LCP1: variants seen among roughly 807,000 people sequenced by gnomAD.
The protein encoded by LCP1 is lymphocyte cytosolic protein 1, also known as plastin-2.
In LCP1, 23 loss-of-function variants were observed where a neutral mutation model predicts 72.0. The ratio of observed to expected loss-of-function variants is 0.32; its 90% CI spans 0.23 to 0.45. LCP1 has a LOEUF of 0.45. LCP1 is among the 20% of genes least tolerant of loss of function. LCP1 has a pLI of 1.00. For missense variants in LCP1, 571 were observed against 748.3 expected, an observed-to-expected ratio of 0.76 and a Z score of 2.76; for synonymous variants, 245 against 275.4, an observed-to-expected ratio of 0.89 and a Z score of 1.09.
chr13:46,142,667 T>G (rs1041363965), intron 12 of LCP1: 1 of 572,196 alleles, frequency 1.7e-6, no homozygotes, highest in African/African-American at 1.9e-5. Flanking sequence ...TTCATTACTA[T>G]GAATATGTTC....
chr13:46,176,580 G>T (rs1202910178), intron 1 of LCP1, among the ~76,000 whole-genome samples: 1 of 152,116 alleles, frequency 6.6e-6, no homozygotes, highest in East Asian at 1.9e-4. Context: ...TGGATACATA[G>T]CTTGGATAAA....
At chr13:46,178,337 G>A (rs976848253) in intron 1 of LCP1, among the ~76,000 whole-genome samples, 1 of 152,150 alleles carries the variant, frequency 6.6e-6, no homozygotes, top group Non-Finnish European at 1.5e-5. Context: ...GCAGACTGAT[G>A]TAAGCATTGA....
At chr13:46,130,400 T>C (rs1394136368) in intron 15 of LCP1, among the ~76,000 whole-genome samples, 1 of 152,216 alleles carries the variant, frequency 6.6e-6, no homozygotes, top group Non-Finnish European at 1.5e-5. Context: ...GAGGAATCAT[T>C]TGGCAGGTGA....
In LCP1 at chr13:46,126,934, A is replaced by G. The variant is rs542732778; in HGVS notation, c.*657T>C. ...CATTTGGGACTCCAGTTTTGAGGAA[A>G]GGCTCTGATGATGAGGCTTACTTCT... On this transcript the variant is annotated 3_prime_UTR_variant, in exon 16 of 16. Transcript: ENST00000323076. 6.9e-5 allele frequency: 16 copies of G among 230,894 alleles called. No homozygotes were observed. In the South Asian group the frequency reaches 2.7e-3, roughly 39 times the overall value. The allele number at this position is 230,894 out of a possible 1,614,324, so 14.3% of individuals were successfully genotyped here.
At chr13:46,162,951 C>A (rs1157356235) in intron 1 of LCP1, among the ~76,000 whole-genome samples, 1 of 152,022 alleles carries the variant, frequency 6.6e-6, no homozygotes, top group Non-Finnish European at 1.5e-5. Context: ...CGCCTGGCAG[C>A]CACCCCGTCT....
intron 1 of LCP1, among the ~76,000 whole-genome samples, chr13:46,171,905 C>T (rs1329759502): frequency 6.6e-6 from 1 of 152,242 alleles, no homozygotes; most frequent in African/African-American, 2.4e-5. Flanking sequence ...ATGGAAAATA[C>T]AAGTATTCGC....
chr13:46,163,856 C>T (rs910570318), intron 1 of LCP1, among the ~76,000 whole-genome samples: 23 of 152,186 alleles, frequency 1.5e-4, no homozygotes, highest in African/African-American at 5.6e-4. Flanking sequence ...GCTTAGGTCT[C>T]TTCTATACCC....
At chr13:46,169,951 A>G (rs1003281667) in intron 1 of LCP1, among the ~76,000 whole-genome samples, 2 of 152,158 alleles carry the variant, frequency 1.3e-5, no homozygotes, top group African/African-American at 2.4e-5. Flanking sequence ...GAGGCTGGGG[A>G]GAATCAGTGA....
chr13:46,161,594 A>ACCTT (rs1287965525), intron 1 of LCP1, among the ~76,000 whole-genome samples: 5 of 151,128 alleles, frequency 3.3e-5, no homozygotes, highest in Non-Finnish European at 4.4e-5. Flanking sequence ...CTTGTTTCCT[A>ACCTT]CCTTCCTTCC....
rs1276302275 is a variant in LCP1, at chr13:46,143,273, G to C, written c.1368+17C>G. 1.9e-6 allele frequency: 3 copies of C among 1,564,216 alleles called. No individual in the cohort carries two copies. In the East Asian group the frequency reaches 6.7e-5, roughly 35 times the overall value. On this transcript the variant is annotated intron_variant, in intron 12 of 15. Transcript: ENST00000323076. ...ACTTTGCCTGTCTCCTGGAACAACA[G>C]AACCATCATTGTTTACCTTCTTCAT...
intron 10 of LCP1, among the ~76,000 whole-genome samples, chr13:46,146,495 C>T (rs2045731568): frequency 6.6e-6 from 1 of 152,098 alleles, no homozygotes; most frequent in African/African-American, 2.4e-5. Context: ...CAAAAGAAAA[C>T]CAAAAACTCA....
At chr13:46,132,436 A>T (rs559956080) in intron 14 of LCP1, among the ~76,000 whole-genome samples, 18 of 152,284 alleles carry the variant, frequency 1.2e-4, no homozygotes, top group South Asian at 6.2e-4. Context: ...ATCACATACA[A>T]TTACTAGCCA....
chr13:46,144,981 G>A (rs1176229485), intron 10 of LCP1, among the ~76,000 whole-genome samples: 1 of 152,216 alleles, frequency 6.6e-6, no homozygotes, highest in Non-Finnish European at 1.5e-5. Context: ...AAAGGAAAGA[G>A]TAGAGGATTT....
At position 46,127,635 on chromosome 13, in the gene LCP1, T is replaced by A; in HGVS notation, c.1840A>T (p.Thr614Ser). 5 of 1,614,176 alleles carry A rather than the reference T, an allele frequency of 3.1e-6. No individual in the cohort carries two copies. Among genetic ancestry groups the A allele is most frequent in the Non-Finnish European group, 4.2e-6 (5 of 1,180,022 alleles). Residue 614 changes from threonine to serine, a missense_variant, in exon 16 of 16, where the codon ACC (threonine) becomes TCC (serine). Transcript: ENST00000323076. ...TTCCCCATGAGGCAGGCAAACACGG[T>A]CATGACCATTTTGGGGTTCACTTCA... Reference protein sequence around the residue: ...LVEVNPKMVMTVFACLMGKGM... With the variant: ...LVEVNPKMVMSVFACLMGKGM...
intron 13 of LCP1, among the ~76,000 whole-genome samples, chr13:46,138,396 C>T (rs1376585761): frequency 1.3e-5 from 2 of 152,108 alleles, no homozygotes; most frequent in Non-Finnish European, 2.9e-5. Context: ...TCAGTCATTA[C>T]TTCTCCTTCT....
chr13:46,159,516 C>A, intron 2 of LCP1, 83 bp downstream of exon 2: 1 of 1,124,774 alleles, frequency 8.9e-7, no homozygotes, highest in South Asian at 1.3e-5. Context: ...AAATTTTGCT[C>A]ATGTTCCCAT....
chr13:46,151,905 G>A (rs999005208), intron 7 of LCP1, among the ~76,000 whole-genome samples: 1 of 152,152 alleles, frequency 6.6e-6, no homozygotes, highest in Non-Finnish European at 1.5e-5. Context: ...TAAGCCAGGG[G>A]GCTGTCACTG....
intron 1 of LCP1, among the ~76,000 whole-genome samples, chr13:46,169,928 G>C (rs890260450): frequency 7.9e-4 from 121 of 152,300 alleles, no homozygotes; most frequent in African/African-American, 2.7e-3. Context: ...ATGGTTTCAG[G>C]CATCCTGTTC....
intron 14 of LCP1, among the ~76,000 whole-genome samples, chr13:46,132,901 G>A (rs1395013933): frequency 6.6e-6 from 1 of 152,014 alleles, no homozygotes. Context: ...ATATCATGAC[G>A]AACCACCTCA....
Sources: allele counts gnomAD v4.1 joint callset (sites outside exome capture counted in the v4.1 genomes callset), GRCh38; gene constraint gnomAD v4.1.1; transcripts MANE v1.5; gene names NCBI Gene and HGNC (gene_info 2026-07-23, HGNC 2026-07-21).